CYP19A1: variants seen among roughly 807,000 people sequenced by gnomAD.
CYP19A1 encodes the protein aromatase.
In CYP19A1, 32 loss-of-function variants were observed where a neutral mutation model predicts 44.4. That is an observed-to-expected ratio of 0.72 (90% CI 0.54 to 0.97). CYP19A1 has a LOEUF of 0.97. CYP19A1 is among the 50% of genes least tolerant of loss of function. CYP19A1 has a pLI of 0.00. For missense variants in CYP19A1, 598 were observed against 637.8 expected (o/e 0.94, Z 0.67); for synonymous variants, 212 against 215.6 (o/e 0.98, Z 0.14).
At chr15:51,298,211 G>C (rs1423035309) in intron 1 of CYP19A1, among the ~76,000 whole-genome samples, 1 of 152,166 alleles carries the variant, frequency 6.6e-6, no homozygotes, top group Admixed American at 6.5e-5. Context: ...TTACTGATTT[G>C]GATATGCCAC....
At chr15:51,314,605 G>A (rs567604344) in intron 1 of CYP19A1, among the ~76,000 whole-genome samples, 3 of 152,296 alleles carry the variant, frequency 2.0e-5, no homozygotes, top group South Asian at 4.1e-4. Context: ...ATCACACACT[G>A]TTCTGCCTTA....
intron 2 of CYP19A1, among the ~76,000 whole-genome samples, chr15:51,239,620 A>T (rs1595707900): frequency 1.3e-5 from 2 of 150,932 alleles, no homozygotes; most frequent in East Asian, 3.9e-4. Flanking sequence ...ATGTGAAATT[A>T]TGTGGTAAAA....
chr15:51,297,104 A>G (rs1324839374), intron 1 of CYP19A1, among the ~76,000 whole-genome samples: 3 of 152,214 alleles, frequency 2.0e-5, no homozygotes. Context: ...ACCAATGAAC[A>G]GGTTTGAGGT....
Position 51,212,560 on chromosome 15 carries a change from A to G in CYP19A1, c.1023T>C (p.Gly341=). Residue 341 remains glycine (G), a splice_region_variant and synonymous_variant, in exon 9 of 10, where the codon GGT becomes GGC. Transcript: ENST00000396402. ...AIIKEIQTVI[G]ERDIKIDDIQ... is the part of the protein sequence containing the mutation. ...TATCATCAATCTTTATGTCTCTCTC[A>G]CCTGTGGAAACAGATAAAAGGAACA... 6.8e-7 allele frequency: 1 copy of G among 1,464,356 alleles called. No individual in the cohort carries two copies. Among genetic ancestry groups the G allele is most frequent in the Non-Finnish European group, 9.6e-7 (1 of 1,043,264 alleles). 90.7% of individuals were successfully genotyped at this position (1,464,356 alleles called of 1,614,324 possible).
At chr15:51,220,258 C>T (rs937911296) in intron 5 of CYP19A1, among the ~76,000 whole-genome samples, 1 of 152,228 alleles carries the variant, frequency 6.6e-6, no homozygotes, top group Non-Finnish European at 1.5e-5. Flanking sequence ...TGTGCCCACA[C>T]ACACTGTTGC....
intron 1 of CYP19A1, chr15:51,315,826 T>G (rs1389738676): frequency 6.6e-6 from 1 of 152,216 alleles, no homozygotes; most frequent in African/African-American, 2.4e-5. Flanking sequence ...TTTCTTCATG[T>G]TTCCCTCTCT....
At chr15:51,238,375 A>G (rs984138536) in intron 2 of CYP19A1, among the ~76,000 whole-genome samples, 7 of 152,254 alleles carry the variant, frequency 4.6e-5, no homozygotes, top group African/African-American at 1.7e-4. Flanking sequence ...GCATAATATA[A>G]TATCTCACTG....
At chr15:51,265,537 G>C (rs561533215) in intron 1 of CYP19A1, among the ~76,000 whole-genome samples, 4 of 152,196 alleles carry the variant, frequency 2.6e-5, no homozygotes, top group African/African-American at 9.6e-5. Context: ...GGGAACCCAG[G>C]CAAAAGTGCA....
At chr15:51,222,260 G>C (rs1019861577) in intron 5 of CYP19A1, 89 bp downstream of exon 5, 1 of 1,604,356 alleles carries the variant, frequency 6.2e-7, no homozygotes, top group African/African-American at 1.3e-5. Context: ...GTAGAAAATG[G>C]CATGTGATTC....
intron 1 of CYP19A1, among the ~76,000 whole-genome samples, chr15:51,258,503 C>T (rs1318643442): frequency 6.6e-6 from 1 of 152,186 alleles, no homozygotes; most frequent in Admixed American, 6.5e-5. Flanking sequence ...CCTGTATGTG[C>T]CTCAGCCTCG....
chr15:51,325,670 T>C (rs1739189798), intron 1 of CYP19A1, among the ~76,000 whole-genome samples: 1 of 151,598 alleles, frequency 6.6e-6, no homozygotes, highest in Non-Finnish European at 1.5e-5. Flanking sequence ...AAACCCCGTC[T>C]CTACTAAAAA....
At chr15:51,211,958 T>A (rs1222117960) in intron 9 of CYP19A1, among the ~76,000 whole-genome samples, 1 of 152,170 alleles carries the variant, frequency 6.6e-6, no homozygotes, top group Non-Finnish European at 1.5e-5. Context: ...TTTGCTCAGA[T>A]GGTGCTATAG....
intron 1 of CYP19A1, among the ~76,000 whole-genome samples, chr15:51,261,809 T>C (rs976376274): frequency 1.3e-5 from 2 of 152,128 alleles, no homozygotes; most frequent in Non-Finnish European, 2.9e-5. Context: ...AAGAATAGCA[T>C]GCAAGTGAGG....
rs547706953 is a variant in CYP19A1 at position 51,241,606 on chromosome 15, G to A, written c.145+1162C>T. Among the ~76,000 whole-genome samples the A allele has an allele frequency of 7.2e-5, 11 of 152,212 alleles. No individual in the cohort carries two copies. In the South Asian group the frequency reaches 2.3e-3, roughly 32 times the overall value. On this transcript the variant is annotated intron_variant, in intron 2 of 9. Transcript: ENST00000396402. Reference sequence around the variant, plus strand: ...GACCCTGACCTAGAAGCCCCCTTGGGAGAGGAGAAATCCAGTGAGGAAGGG... The same window carrying A: ...GACCCTGACCTAGAAGCCCCCTTGGAAGAGGAGAAATCCAGTGAGGAAGGG...
chr15:51,264,821 G>A (rs2140941765), intron 1 of CYP19A1, among the ~76,000 whole-genome samples: 1 of 152,276 alleles, frequency 6.6e-6, no homozygotes, highest in South Asian at 2.1e-4. Context: ...AGTCCAATCA[G>A]TATCAGTTTG....
intron 1 of CYP19A1, among the ~76,000 whole-genome samples, chr15:51,290,757 G>A (rs186333293): frequency 2.2e-4 from 34 of 152,340 alleles, no homozygotes; most frequent in Admixed American, 1.9e-3. Flanking sequence ...CCCTCCGAGC[G>A]TCATGTTGCT....
At chr15:51,280,117 C>A (rs1192703712) in intron 1 of CYP19A1, 3 of 119,586 alleles carry the variant, frequency 2.5e-5, no homozygotes, top group East Asian at 2.6e-4. Context: ...GCCTGCCCTT[C>A]TTTTTTTTTT....
At chr15:51,269,648 G>A (rs2035052660) in intron 1 of CYP19A1, among the ~76,000 whole-genome samples, 1 of 152,150 alleles carries the variant, frequency 6.6e-6, no homozygotes, top group Admixed American at 6.5e-5. Flanking sequence ...ATTTCTCTGG[G>A]TAGCTCCTAA....
At chr15:51,258,827 A>G (rs549343204) in intron 1 of CYP19A1, among the ~76,000 whole-genome samples, 6 of 152,080 alleles carry the variant, frequency 3.9e-5, no homozygotes, top group African/African-American at 1.4e-4. Context: ...TTTAACATGT[A>G]AATCTGATTT....
Sources: allele counts gnomAD v4.1 joint callset (sites outside exome capture counted in the v4.1 genomes callset), GRCh38; gene constraint gnomAD v4.1.1; transcripts MANE v1.5; gene names NCBI Gene and HGNC (gene_info 2026-07-23, HGNC 2026-07-21).